MYO9B: variants seen among roughly 807,000 people sequenced by gnomAD.
The protein encoded by MYO9B is unconventional myosin-IXb.
In MYO9B, 71 loss-of-function variants were observed where a neutral mutation model predicts 229.5. The observed-to-expected ratio is 0.31, with a 90% CI of 0.26 to 0.38. The LOEUF (loss-of-function observed/expected upper bound fraction) is 0.38. MYO9B is among the 10% of genes least tolerant of loss of function. The probability of loss-of-function intolerance (pLI) is 1.00; values close to 1 mark genes in which losing one functional copy is unlikely to be tolerated. For missense variants in MYO9B, 2,255 were observed against 2,920.5 expected (o/e 0.77, Z 5.25); for synonymous variants, 1,185 against 1,235.8 (o/e 0.96, Z 0.86).
chr19:17,161,113 G>C (rs117779551), intron 8 of MYO9B, among the ~76,000 whole-genome samples: 3,132 of 152,098 alleles, frequency 0.021, 44 homozygotes, highest in Non-Finnish European at 0.031. Context: ...AAAGAGCTTT[G>C]ATGCACACGG....
chr19:17,102,529 C>G lies in MYO9B; in HGVS notation c.812C>G (p.Thr271Ser). 6.2e-7 allele frequency: 1 copy of G among 1,606,096 alleles called. No homozygotes were observed. The highest frequency in any genetic ancestry group is 8.5e-7 in the Non-Finnish European group (1 of 1,176,324). Reference sequence around the variant, plus strand: ...GGCTACGCCAGCGGCGTCGAGAGGACCATCCTGGGTGCTGGCCCTGTGCTG... The same window carrying G: ...GGCTACGCCAGCGGCGTCGAGAGGAGCATCCTGGGTGCTGGCCCTGTGCTG... ...QKGYASGVER[T>S]ILGAGPVLEA... The change falls in exon 2 of 40, where the codon ACC (threonine) becomes AGC (serine). Residue 271 changes from threonine (T) to serine (S), a missense_variant. Physicochemically the swap from Thr to Ser is moderately conservative, Grantham distance 58 (BLOSUM62 1). This residue lies in a region of MYO9B where 386 missense variants were observed against 515.2 expected (regional missense o/e 0.75). Transcript: ENST00000682292.
intron 2 of MYO9B, among the ~76,000 whole-genome samples, chr19:17,133,251 C>T (rs748719325): frequency 2.7e-4 from 41 of 152,268 alleles, no homozygotes; most frequent in African/African-American, 8.2e-4. Context: ...AATTAACGTA[C>T]GCGTTACCTG....
chr19:17,109,581 T>C (rs1306632952), intron 2 of MYO9B, among the ~76,000 whole-genome samples: 1 of 152,154 alleles, frequency 6.6e-6, no homozygotes, highest in East Asian at 1.9e-4. Flanking sequence ...CAGGGGTTGA[T>C]TCTCTCACAG....
intron 1 of MYO9B, among the ~76,000 whole-genome samples, chr19:17,094,799 A>T (rs2057672400): frequency 6.6e-6 from 1 of 151,706 alleles, no homozygotes; most frequent in South Asian, 2.1e-4. Flanking sequence ...AAAATTAGGC[A>T]GGCGTGGTGG....
intron 32 of MYO9B, 22 bp from the exon 33 acceptor site, chr19:17,206,226 A>AGCCCCCCCCC: frequency 3.2e-5 from 21 of 654,228 alleles, no homozygotes; most frequent in Non-Finnish European, 4.1e-5. Flanking sequence ...CGCTCACCAG[A>AGCCCCCCCCC]CCCACCCCAC....
chr19:17,099,735 G>A (rs1424513819), intron 1 of MYO9B, among the ~76,000 whole-genome samples: 3 of 149,872 alleles, frequency 2.0e-5, no homozygotes, highest in East Asian at 2.0e-4. Flanking sequence ...GGAGAATGGC[G>A]TGAACCCGGG....
At chr19:17,143,693 C>T (rs35257877) in intron 2 of MYO9B, among the ~76,000 whole-genome samples, 4 of 151,854 alleles carry the variant, frequency 2.6e-5, no homozygotes, top group Admixed American at 6.6e-5. Flanking sequence ...GAGGCCGGGG[C>T]GGGCAGATCA....
intron 10 of MYO9B, among the ~76,000 whole-genome samples, chr19:17,166,867 A>G (rs1011125378): frequency 1.3e-5 from 2 of 152,128 alleles, no homozygotes; most frequent in Admixed American, 6.6e-5. Context: ...GTATTCCTTG[A>G]TGTATATGCA....
Position 17,093,704 on chromosome 19 carries a change from G to A in MYO9B, c.-58-7956G>A, listed in dbSNP as rs1482176569. On this transcript the variant is annotated intron_variant, in intron 1 of 39. Transcript: ENST00000682292. ...TTTTTTGCGGGGGGTGGGGGGGGGG[G>A]TGGTTTGAGATAGGTTCTTGCCCTG... Among the ~76,000 whole-genome samples the A allele has an allele frequency of 9.6e-5, 12 of 124,546 alleles. No homozygotes were observed. In the East Asian group the frequency reaches 3.0e-3, roughly 31 times the overall value. The allele number at this position is 124,546 out of a possible 152,430, so 81.7% of individuals were successfully genotyped here. A position where few individuals can be genotyped will look rare whatever the true frequency, so the allele number is the denominator to read the frequency against.
intron 1 of MYO9B, among the ~76,000 whole-genome samples, chr19:17,081,916 T>C (rs1394093824): frequency 2.0e-5 from 3 of 151,336 alleles, no homozygotes; most frequent in Non-Finnish European, 2.9e-5. Context: ...AGGCTGCGTG[T>C]GCCTGGTGGG....
chr19:17,194,060 T>C (rs182036420), intron 21 of MYO9B, among the ~76,000 whole-genome samples: 2,037 of 152,084 alleles, frequency 0.013, 37 homozygotes, highest in African/African-American at 0.046. Context: ...TAATCTCAGT[T>C]ACTAGGGAGG....
At chr19:17,160,483 A>G (rs985678128) in intron 8 of MYO9B, among the ~76,000 whole-genome samples, 4 of 150,908 alleles carry the variant, frequency 2.7e-5, no homozygotes, top group Admixed American at 6.6e-5. Flanking sequence ...TTCCATATAG[A>G]TTAGACCTTA....
intron 19 of MYO9B, among the ~76,000 whole-genome samples, chr19:17,190,233 G>A (rs867439813): frequency 4.6e-5 from 7 of 151,794 alleles, no homozygotes; most frequent in Admixed American, 2.6e-4. Context: ...TTGCTCTGTC[G>A]CCCAGGCTGG....
chr19:17,148,146 G>A (rs1485106147), intron 3 of MYO9B, among the ~76,000 whole-genome samples: 1 of 152,098 alleles, frequency 6.6e-6, no homozygotes, highest in Non-Finnish European at 1.5e-5. Context: ...CAGAGATTTT[G>A]ACCCACAGGA....
rs1184792475 is a variant in MYO9B, at chr19:17,203,224, T to C, written c.4956T>C (p.Tyr1652=). The C allele has an allele frequency of 1.9e-6, 3 of 1,566,244 alleles. No homozygotes were observed. The highest frequency in any genetic ancestry group is 1.9e-5 in the Admixed American group (1 of 52,934). Residue 1652 remains tyrosine, a synonymous_variant, in exon 30 of 40, where the codon TAT becomes TAC. Coordinates refer to ENST00000682292, the MANE Select transcript of MYO9B (RefSeq NM_004145.4). ...AGTCGTGCGAGCAGTGCCTCTCCTA[T>C]ATCTGGCTCATGGACAAGGCCCTGC... ...IPQSCEQCLS[Y]IWLMDKALLC... is the part of the protein sequence containing the mutation.
chr19:17,119,643 G>GTTTGT (rs1377844416), intron 2 of MYO9B, among the ~76,000 whole-genome samples: 2 of 151,762 alleles, frequency 1.3e-5, no homozygotes, highest in East Asian at 1.9e-4. Context: ...TTGTTTGTTT[G>GTTTGT]TTTGTTTTGT....
intron 38 of MYO9B, 129 bp downstream of exon 38, chr19:17,210,977 CTTTTTTTTTTT>C: frequency 3.0e-6 from 1 of 333,572 alleles, no homozygotes; most frequent in South Asian, 2.9e-5. Context: ...GCAAACAACA[CTTTTTTTTTTT>C]TTTTTTTTTT....
In MYO9B at chr19:17,107,639, AG is replaced by A. The variant is rs1599329680; in HGVS notation, c.840+5084del. On this transcript the variant is annotated intron_variant, in intron 2 of 39. Coordinates refer to ENST00000682292, the MANE Select transcript of MYO9B (RefSeq NM_004145.4). The stretch of plus-strand genomic sequence containing the variant: ...TCCCGGCTCTGGGGGAGGATGCTTC[AG>A]GCCTCTTCAGCTTCTCTGGTGGCTG... 2.6e-5 allele frequency among the ~76,000 whole-genome samples: 4 copies of A among 152,198 alleles called. No homozygotes were observed. In the East Asian group the frequency reaches 7.7e-4, roughly 29 times the overall value.
At chr19:17,131,853 G>T (rs564216046) in intron 2 of MYO9B, among the ~76,000 whole-genome samples, 2 of 151,568 alleles carry the variant, frequency 1.3e-5, no homozygotes, top group African/African-American at 2.4e-5. Flanking sequence ...TGCTTTTCAC[G>T]AGGTTTTTAA....
Sources: allele counts gnomAD v4.1 joint callset (sites outside exome capture counted in the v4.1 genomes callset), GRCh38; gene constraint gnomAD v4.1.1; regional missense constraint gnomAD v4.1.1; transcripts MANE v1.5; gene names NCBI Gene and HGNC (gene_info 2026-07-23, HGNC 2026-07-21).